FIGN: variants seen among roughly 807,000 people sequenced by gnomAD.
The protein encoded by FIGN is fidgetin.
FIGN carries 11 observed loss-of-function variants against 51.3 expected under a neutral mutation model. The observed-to-expected ratio is 0.21, with a 90% CI of 0.13 to 0.35. The LOEUF is 0.35. Among genes scored for constraint, FIGN ranks in the 10% least tolerant of loss-of-function variants. The pLI, the probability that FIGN is intolerant of heterozygous loss-of-function variation, is 1.00. For missense variants in FIGN, 857 were observed against 943.6 expected, an observed-to-expected ratio of 0.91 and a Z score of 1.20; for synonymous variants, 407 against 363.2, an observed-to-expected ratio of 1.12 and a Z score of -1.37.
intron 2 of FIGN, among the ~76,000 whole-genome samples, chr2:163,632,311 C>G (rs1683157375): frequency 6.6e-6 from 1 of 152,148 alleles, no homozygotes; most frequent in Non-Finnish European, 1.5e-5. Context: ...ATTTCTAACT[C>G]CTGGGTCATC....
intron 2 of FIGN, among the ~76,000 whole-genome samples, chr2:163,668,433 G>A (rs1352646674): frequency 6.6e-6 from 1 of 152,162 alleles, no homozygotes; most frequent in African/African-American, 2.4e-5. Flanking sequence ...CCTGGTAGAA[G>A]CTCAAATAAG....
chr2:163,711,307 C>T (rs1684584461), intron 2 of FIGN, among the ~76,000 whole-genome samples: 1 of 152,086 alleles, frequency 6.6e-6, no homozygotes, highest in African/African-American at 2.4e-5. Context: ...TAATTAAACA[C>T]CTATTATTGT....
At chr2:163,673,177 C>T (rs1036016772) in intron 2 of FIGN, among the ~76,000 whole-genome samples, 1 of 151,988 alleles carries the variant, frequency 6.6e-6, no homozygotes, top group Admixed American at 6.6e-5. Context: ...AATGTGGAGC[C>T]TTGGAATTGG....
intron 2 of FIGN, among the ~76,000 whole-genome samples, chr2:163,662,798 CA>C (rs1464534783): frequency 1.3e-5 from 2 of 152,214 alleles, no homozygotes; most frequent in Non-Finnish European, 2.9e-5. Flanking sequence ...GTAACTGAAT[CA>C]TGGGGGCTGG....
intron 2 of FIGN, among the ~76,000 whole-genome samples, chr2:163,661,032 C>T (rs1204586459): frequency 2.5e-4 from 36 of 144,602 alleles, no homozygotes; most frequent in African/African-American, 8.2e-4. Context: ...TACAGGCGCC[C>T]GCCACCACGC....
intron 2 of FIGN, among the ~76,000 whole-genome samples, chr2:163,691,854 T>G (rs954851571): frequency 6.6e-6 from 1 of 152,098 alleles, no homozygotes; most frequent in Non-Finnish European, 1.5e-5. Context: ...GCAATTAGAA[T>G]AAAGAACAAA....
chr2:163,664,820 C>T (rs927444914), intron 2 of FIGN, among the ~76,000 whole-genome samples: 5 of 152,200 alleles, frequency 3.3e-5, no homozygotes, highest in African/African-American at 1.2e-4. Flanking sequence ...TTTGCTATTT[C>T]GTAGTTAGTT....
In FIGN at chr2:163,649,568, G is replaced by A. The variant is rs114148627; in HGVS notation, c.26-37762C>T. ...CTGTCCATCTAGGCACCCAGCATTT[G>A]AGGGACCACACTGGACATTCCAACA... is the stretch of plus-strand genomic sequence containing the variant. On this transcript the variant is annotated intron_variant, in intron 2 of 2. Coordinates refer to ENST00000333129, the MANE Select transcript of FIGN (RefSeq NM_018086.4). Among the ~76,000 whole-genome samples the A allele has an allele frequency of 1.6e-3, 238 of 152,270 alleles. 1 individual carries two copies. Among genetic ancestry groups the A allele is most frequent in the African/African-American group, 5.4e-3 (224 of 41,562 alleles).
At chr2:163,630,701 T>C (rs1028951873) in intron 2 of FIGN, among the ~76,000 whole-genome samples, 1 of 151,692 alleles carries the variant, frequency 6.6e-6, no homozygotes, top group Non-Finnish European at 1.5e-5. Flanking sequence ...TGATTGTCAG[T>C]CATTACTAAA....
chr2:163,672,560 T>C (rs13389815), intron 2 of FIGN, among the ~76,000 whole-genome samples: 6,034 of 152,278 alleles, frequency 0.04, 358 homozygotes, highest in African/African-American at 0.13. Context: ...ATTTGCAGAA[T>C]GATTTATTGA....
rs535650222 is a variant in FIGN, at chr2:163,682,193, G to A, written c.25+52710C>T. On this transcript the variant is annotated intron_variant, in intron 2 of 2. Transcript: ENST00000333129. ...AAACAGAGGTTAAAATGAAAATAAC[G>A]TGAGTTTATTCTAATGGGAAAGGAA... Among the ~76,000 whole-genome samples the A allele has an allele frequency of 9.2e-5, 14 of 152,242 alleles. No homozygotes were observed. In the South Asian group the frequency reaches 1.2e-3, roughly 14 times the overall value.
At chr2:163,705,478 A>T (rs115978684) in intron 2 of FIGN, among the ~76,000 whole-genome samples, 5,823 of 152,230 alleles carry the variant, frequency 0.038, 133 homozygotes, top group Non-Finnish European at 0.046. Flanking sequence ...TTGTGTTTTT[A>T]CCTGCTTAAT....
At chr2:163,722,887 A>T (rs915250147) in intron 2 of FIGN, among the ~76,000 whole-genome samples, 1 of 152,122 alleles carries the variant, frequency 6.6e-6, no homozygotes, top group African/African-American at 2.4e-5. Context: ...TTAAAATAAG[A>T]TTAATAAAAT....
chr2:163,644,299 A>C (rs1277911898), intron 2 of FIGN, among the ~76,000 whole-genome samples: 3 of 152,188 alleles, frequency 2.0e-5, no homozygotes, highest in African/African-American at 7.2e-5. Flanking sequence ...TCCAAGGAAG[A>C]CATCTAAATA....
chr2:163,636,976 G>A lies in FIGN; in HGVS notation c.26-25170C>T, dbSNP rs147577519. ...CGCCTGTAGTCCCAGCTAATTGAGAGGCTGAGGCATGAGAATTGCTTGAAC... is the reference window on the plus strand; with the variant it reads ...CGCCTGTAGTCCCAGCTAATTGAGAAGCTGAGGCATGAGAATTGCTTGAAC... On this transcript the variant is annotated intron_variant, in intron 2 of 2. Coordinates refer to ENST00000333129, the MANE Select transcript of FIGN (RefSeq NM_018086.4). Among the ~76,000 whole-genome samples, 85 of 152,186 alleles carry A rather than the reference G, an allele frequency of 5.6e-4. No homozygotes were observed. In the East Asian group the frequency reaches 0.016, roughly 28 times the overall value.
At chr2:163,728,205 G>C (rs1023269829) in intron 2 of FIGN, among the ~76,000 whole-genome samples, 1 of 151,540 alleles carries the variant, frequency 6.6e-6, no homozygotes, top group Non-Finnish European at 1.5e-5. Flanking sequence ...GCATACTTTC[G>C]TTTTTTTAAT....
chr2:163,611,769 C>A lies in FIGN; in HGVS notation c.63G>T (p.Trp21Cys). ...AGGTGATGTCAAAGTGCTGTTCTGG[C>A]CACTGGGCATGCTCTGGCGTCCACT... is the stretch of plus-strand genomic sequence containing the variant. Reference protein sequence around the residue: ...KMQWTPEHAQWPEQHFDITST... With the variant: ...KMQWTPEHAQCPEQHFDITST... Residue 21 changes from tryptophan (W) to cysteine (C), a missense_variant, in exon 3 of 3, where the codon TGG becomes TGT. By Grantham distance (215) the Trp-to-Cys change is radical (BLOSUM62 -2). Around this residue, in one of 3 missense-constraint regions of FIGN, gnomAD observed 56 missense variants for 75.3 expected, o/e 0.74. Transcript: ENST00000333129. 6.2e-7 allele frequency: 1 copy of A among 1,611,680 alleles called. No homozygotes were observed. Among genetic ancestry groups the A allele is most frequent in the Non-Finnish European group, 8.5e-7 (1 of 1,178,002 alleles).
intron 2 of FIGN, among the ~76,000 whole-genome samples, chr2:163,684,039 G>A (rs1483729046): frequency 6.6e-6 from 1 of 152,040 alleles, no homozygotes; most frequent in Non-Finnish European, 1.5e-5. Context: ...GAAAATCAAT[G>A]ATAAAATCTC....
chr2:163,648,195 GC>G (rs1683413287), intron 2 of FIGN, among the ~76,000 whole-genome samples: 1 of 151,852 alleles, frequency 6.6e-6, no homozygotes, highest in South Asian at 2.1e-4. Flanking sequence ...CACAAGGAAG[GC>G]CCCAAACCAT....
Sources: gnomAD v4.1 joint callset for allele counts (sites outside exome capture counted in the v4.1 genomes callset) on GRCh38, gnomAD v4.1.1 for gene constraint, gnomAD v4.1.1 regional missense constraint, MANE v1.5 for transcripts, NCBI Gene and HGNC (gene_info 2026-07-23, HGNC 2026-07-21) for gene names.